Variants in LRRIQ1 observed in about 807,000 individuals in gnomAD.
The protein encoded by LRRIQ1 is leucine-rich repeat- and IQ domain-containing protein 1.
LRRIQ1 carries 210 observed loss-of-function variants against 211.9 expected under a neutral mutation model. The ratio of observed to expected loss-of-function variants is 0.99; its 90% CI spans 0.89 to 1.11. The LOEUF (loss-of-function observed/expected upper bound fraction) is 1.11. Among genes scored for constraint, LRRIQ1 ranks in the 50% most tolerant of loss-of-function variants. LRRIQ1 has a pLI of 0.00. For missense variants in LRRIQ1, 2,136 were observed against 1,939.5 expected, an observed-to-expected ratio of 1.10 and a Z score of -1.90; for synonymous variants, 699 against 650.1, an observed-to-expected ratio of 1.08 and a Z score of -1.14.
At chr12:85,134,850 C>T (rs917891484) in intron 18 of LRRIQ1, among the ~76,000 whole-genome samples, 3 of 151,996 alleles carry the variant, frequency 2.0e-5, no homozygotes, top group African/African-American at 7.2e-5. Flanking sequence ...TCAATATTGA[C>T]TCTTTTAAAA....
In LRRIQ1 at chr12:85,075,060, A is replaced by G. The variant is rs373111459; in HGVS notation, c.2887+1962A>G. ...ATAAAAATACAATTAAGTGTTATAC[A>G]GTAATAGATAGCTTTCTTACCAATA... On this transcript the variant is annotated intron_variant, in intron 11 of 26. Transcript: ENST00000393217. 4.5e-4 allele frequency among the ~76,000 whole-genome samples: 68 copies of G among 152,276 alleles called. 1 individual carries two copies. In the East Asian group the frequency reaches 8.7e-3, roughly 19 times the overall value.
In LRRIQ1 at chr12:85,055,882, A is replaced by T; in HGVS notation, c.1089A>T (p.Glu363Asp). 2 of 1,595,028 alleles carry T rather than the reference A, an allele frequency of 1.3e-6. No homozygotes were observed. The highest frequency in any genetic ancestry group is 1.7e-6 in the Non-Finnish European group (2 of 1,174,598). Residue 363 changes from glutamate to aspartate, a missense_variant, in exon 8 of 27, where the codon GAA (glutamate) becomes GAT (aspartate). By Grantham distance (45) the Glu-to-Asp change is conservative. Coordinates refer to ENST00000393217, the MANE Select transcript of LRRIQ1 (RefSeq NM_001079910.2). ...AGGAAAGGAAAAGGAGAGAAAAAGA[A>T]TATGAAGAAAAAAAGAATATTGTGA... ...KEEERKRREK[E>D]YEEKKNIVKQ...
intron 11 of LRRIQ1, among the ~76,000 whole-genome samples, chr12:85,080,980 T>A (rs922518522): frequency 1.3e-5 from 2 of 152,140 alleles, no homozygotes; most frequent in Non-Finnish European, 2.9e-5. Flanking sequence ...TAGTTTTTAC[T>A]TAGGGCAATC....
chr12:85,195,099 T>TA (rs1353885552), intron 24 of LRRIQ1, among the ~76,000 whole-genome samples: 2 of 152,052 alleles, frequency 1.3e-5, no homozygotes, highest in Non-Finnish European at 2.9e-5. Flanking sequence ...CCTGGACACA[T>TA]ACACTCTCCC....
At position 85,124,425 on chromosome 12, in the gene LRRIQ1, A is replaced by G. The variant is rs777439433; in HGVS notation, c.3913A>G (p.Ser1305Gly). The change falls in exon 17 of 27, where the codon AGC (serine) becomes GGC (glycine). Residue 1305 changes from serine (S) to glycine (G), a missense_variant. Transcript: ENST00000393217. ...TCAGAAGAGAGAAGACAGCAAGGCAAGCAGTATTCCCACCATAAGAATCCC... is the reference window on the plus strand; with the variant it reads ...TCAGAAGAGAGAAGACAGCAAGGCAGGCAGTATTCCCACCATAAGAATCCC... The part of the protein sequence containing the change: ...VCQKREDSKA[S>G]SIPTIRIPFK... The G allele has an allele frequency of 5.6e-6, 9 of 1,613,938 alleles. No homozygotes were observed. Among genetic ancestry groups the G allele is most frequent in the Non-Finnish European group, 7.6e-6 (9 of 1,180,030 alleles).
intron 19 of LRRIQ1, among the ~76,000 whole-genome samples, chr12:85,146,781 A>G (rs970478154): frequency 6.6e-6 from 1 of 151,758 alleles, no homozygotes; most frequent in Non-Finnish European, 1.5e-5. Flanking sequence ...ACCATAACTA[A>G]GATTAGTTTG....
intron 15 of LRRIQ1, among the ~76,000 whole-genome samples, chr12:85,118,019 A>G (rs540066974): frequency 2.0e-5 from 3 of 152,140 alleles, no homozygotes; most frequent in Non-Finnish European, 4.4e-5. Context: ...ATTTTCAGAA[A>G]GTAACCTTTC....
At chr12:85,039,004 G>C (rs965332914) in intron 2 of LRRIQ1, among the ~76,000 whole-genome samples, 6 of 150,956 alleles carry the variant, frequency 4.0e-5, no homozygotes, top group African/African-American at 1.5e-4. Context: ...TTTTGAAAAA[G>C]AAAATTTTTT....
chr12:85,124,122 T>C lies in LRRIQ1; in HGVS notation c.3610T>C (p.Leu1204=). 1.9e-6 allele frequency: 3 copies of C among 1,613,946 alleles called. No individual in the cohort carries two copies. Among genetic ancestry groups the C allele is most frequent in the Non-Finnish European group, 2.5e-6 (3 of 1,179,874 alleles). Residue 1204 remains leucine (L), a synonymous_variant, in exon 17 of 27, where the codon TTG becomes CTG. Coordinates refer to ENST00000393217, the MANE Select transcript of LRRIQ1 (RefSeq NM_001079910.2). The part of the protein sequence containing the change: ...AENLCHYFKK[L]MILSTEYRHA... ...AAATCTCTGTCATTATTTTAAGAAA[T>C]TGATGATACTTAGTACTGAATACCG...
Position 85,056,635 on chromosome 12 carries a change from C to G in LRRIQ1, c.1842C>G (p.Leu614=), listed in dbSNP as rs764492838. Residue 614 remains leucine, a synonymous_variant, in exon 8 of 27, where the codon CTC becomes CTG. Coordinates refer to ENST00000393217, the MANE Select transcript of LRRIQ1 (RefSeq NM_001079910.2). ...TLVISVKQRS[L]SLTSENSKDV... ...TTATTTCAGTGAAACAAAGATCACT[C>G]TCACTAACATCAGAAAATTCCAAAG... The G allele has an allele frequency of 3.8e-6, 6 of 1,597,762 alleles. No homozygotes were observed. Among genetic ancestry groups the G allele is most frequent in the Non-Finnish European group, 5.1e-6 (6 of 1,173,322 alleles).
At chr12:85,059,527 C>T (rs1447479389) in intron 8 of LRRIQ1, among the ~76,000 whole-genome samples, 3 of 151,920 alleles carry the variant, frequency 2.0e-5, no homozygotes, top group Non-Finnish European at 4.4e-5. Context: ...ATATTGCTAG[C>T]TTGGGAAAAG....
chr12:85,188,445 G>A (rs1208558292), intron 24 of LRRIQ1, among the ~76,000 whole-genome samples: 1 of 152,070 alleles, frequency 6.6e-6, no homozygotes, highest in African/African-American at 2.4e-5. Context: ...TGCCAACCAG[G>A]TGATAGGTGG....
chr12:85,115,484 C>T (rs1376456128), intron 15 of LRRIQ1, among the ~76,000 whole-genome samples: 1 of 152,144 alleles, frequency 6.6e-6, no homozygotes, highest in African/African-American at 2.4e-5. Flanking sequence ...TATCTACATT[C>T]AAAGGAATTC....
chr12:85,261,767 T>TTATTTATTTATA (rs1555231838), intron 1 of LRRIQ1, among the ~76,000 whole-genome samples: 1 of 137,374 alleles, frequency 7.3e-6, no homozygotes. Context: ...TTTGTTTATT[T>TTATTTATTTATA]TATTTATTTA....
In LRRIQ1 at chr12:85,046,019, G is replaced by A; in HGVS notation, c.337-1G>A. The A allele has an allele frequency of 6.4e-7, 1 of 1,554,212 alleles. No individual in the cohort carries two copies. ...TCATTGGTACTCATTTAACCTCTTA[G>A]ATATTATCTGAAATAGAAAAAGAAG... is the stretch of plus-strand genomic sequence containing the variant. On this transcript the variant is annotated splice_acceptor_variant, in intron 4 of 26. Transcript: ENST00000393217. LOFTEE classifies it high-confidence loss of function.
intron 19 of LRRIQ1, among the ~76,000 whole-genome samples, chr12:85,138,562 G>A (rs1889306107): frequency 6.6e-6 from 1 of 151,466 alleles, no homozygotes; most frequent in South Asian, 2.1e-4. Flanking sequence ...GCAGGAAGGT[G>A]ATGAAGTTTC....
intron 19 of LRRIQ1, among the ~76,000 whole-genome samples, chr12:85,141,480 T>C (rs1346377318): frequency 2.0e-5 from 3 of 151,196 alleles, no homozygotes; most frequent in Non-Finnish European, 4.4e-5. Flanking sequence ...ATTGTATCGC[T>C]GAACCTCTTA....
chr12:85,172,172 T>C (rs1891451103), intron 24 of LRRIQ1, among the ~76,000 whole-genome samples: 1 of 152,080 alleles, frequency 6.6e-6, no homozygotes, highest in Non-Finnish European at 1.5e-5. Context: ...TAGGGAAGAA[T>C]AGTAACTTTG....
chr12:85,069,589 C>G (rs574715189), intron 10 of LRRIQ1, among the ~76,000 whole-genome samples: 1 of 151,902 alleles, frequency 6.6e-6, no homozygotes, highest in African/African-American at 2.4e-5. Context: ...TCTCCACATC[C>G]TCTCCAGCAC....
Sources: gnomAD v4.1 joint callset for allele counts (sites outside exome capture counted in the v4.1 genomes callset) on GRCh38, gnomAD v4.1.1 for gene constraint, MANE v1.5 for transcripts, NCBI Gene and HGNC (gene_info 2026-07-23, HGNC 2026-07-21) for gene names.